The following GPR180 variants were observed in gnomAD, a reference collection of about 807,000 sequenced individuals.
GPR180 encodes the protein G protein-coupled receptor 180.
GPR180 carries 53 observed loss-of-function variants against 52.6 expected under a neutral mutation model. That is an observed-to-expected ratio of 1.01 (90% CI 0.81 to 1.27). The LOEUF (loss-of-function observed/expected upper bound fraction) is 1.27, where lower values mean the gene tolerates loss of function less well. GPR180 is among the 50% of genes most tolerant of loss of function. The pLI is 0.00. For missense variants in GPR180, 533 were observed against 527.0 expected, an observed-to-expected ratio of 1.01 and a Z score of -0.11; for synonymous variants, 200 against 193.1, an observed-to-expected ratio of 1.04 and a Z score of -0.30.
chr13:94,606,154 G>A (rs755879088), intron 2 of GPR180, among the ~76,000 whole-genome samples: 1 of 152,166 alleles, frequency 6.6e-6, no homozygotes, highest in Non-Finnish European at 1.5e-5. Flanking sequence ...AAATTAGACA[G>A]GTGTGATGGC....
chr13:94,631,861 T>C lies in GPR180; in HGVS notation c.*4690T>C, dbSNP rs896390515. 6.6e-6 allele frequency: 1 copy of C among 152,068 alleles called. No individual in the cohort carries two copies. Among genetic ancestry groups the C allele is most frequent in the Non-Finnish European group, 1.5e-5 (1 of 68,008 alleles). The allele number at this position is 152,068 out of a possible 1,614,324, so 9.4% of individuals were successfully genotyped here. ...TTTCTCAAATTCTCACAGAGGCAGT[T>C]TCTCTTTATTTTATGTAGTCCTGTA... On this transcript the variant is annotated 3_prime_UTR_variant, in exon 9 of 9. Transcript: ENST00000376958.
rs1344930235 is a variant in GPR180, at chr13:94,630,215, C to G, written c.*3044C>G. ...TAGCTTGATTTCTTGCAATAGCTCT[C>G]TAAGTAATATTACCATGTCCACACT... is the stretch of plus-strand genomic sequence containing the variant. On this transcript the variant is annotated 3_prime_UTR_variant, in exon 9 of 9. Coordinates refer to ENST00000376958, the MANE Select transcript of GPR180 (RefSeq NM_180989.6). 6.6e-6 allele frequency: 1 copy of G among 152,138 alleles called. No homozygotes were observed. Among genetic ancestry groups the G allele is most frequent in the Admixed American group, 6.5e-5 (1 of 15,278 alleles). 9.4% of individuals were successfully genotyped at this position (152,138 alleles called of 1,614,324 possible).
rs1425381262 is a variant in GPR180, at chr13:94,634,244, AACGTGTTGAGTGTTAAACCCACAG to A, written c.*7074_*7097del. 1.3e-5 allele frequency: 2 copies of A among 152,140 alleles called. No individual in the cohort carries two copies. The highest frequency in any genetic ancestry group is 2.9e-5 in the Non-Finnish European group (2 of 68,024). 9.4% of individuals were successfully genotyped at this position (152,140 alleles called of 1,614,324 possible). A position where few individuals can be genotyped will look rare whatever the true frequency, so the allele number is the denominator to read the frequency against. On this transcript the variant is annotated 3_prime_UTR_variant, in exon 9 of 9. Transcript: ENST00000376958. ...CAATTTAGGGAAATTTGACTTTCTT[AACGTGTTGAGTGTTAAACCCACAG>A]GTGGTAGCATGACATTGACTCCTCA...
chr13:94,602,335 A>G (rs936442355), intron 1 of GPR180, among the ~76,000 whole-genome samples: 1 of 151,986 alleles, frequency 6.6e-6, no homozygotes, highest in South Asian at 2.1e-4. Context: ...GCTGGTTTCC[A>G]TTTCCCCAAC....
intron 7 of GPR180, 71 bp from the exon 8 acceptor site, chr13:94,625,895 A>AT (rs1243664209): frequency 1.2e-5 from 13 of 1,114,284 alleles, no homozygotes; most frequent in Admixed American, 5.7e-5. Flanking sequence ...TGCTAGTAAC[A>AT]TTTTTTTGTC....
chr13:94,621,316 C>G (rs1889849116), intron 6 of GPR180, 81 bp downstream of exon 6: 5 of 1,120,550 alleles, frequency 4.5e-6, no homozygotes, highest in Non-Finnish European at 6.1e-6. Context: ...GAATTGAAAC[C>G]TGGGACCCAT....
Position 94,601,983 on chromosome 13 carries a change from G to A in GPR180, c.56G>A (p.Gly19Asp). Residue 19 changes from glycine (G) to aspartate (D), a missense_variant, in exon 1 of 9, where the codon GGC becomes GAC. Physicochemically the swap from Gly to Asp is moderately conservative, Grantham distance 94. Coordinates refer to ENST00000376958, the MANE Select transcript of GPR180 (RefSeq NM_180989.6). ...VALTCCWWPQGSQGKTLRGSF... is the reference protein window; with the variant it reads ...VALTCCWWPQDSQGKTLRGSF... ...CTCACGTGCTGCTGGTGGCCGCAGGGCAGCCAGGGTAAGACCCTGCGGGGC... is the reference window on the plus strand; with the variant it reads ...CTCACGTGCTGCTGGTGGCCGCAGGACAGCCAGGGTAAGACCCTGCGGGGC... The A allele has an allele frequency of 6.7e-7, 1 of 1,495,806 alleles. No homozygotes were observed. Among genetic ancestry groups the A allele is most frequent in the Non-Finnish European group, 8.9e-7 (1 of 1,128,044 alleles). The allele number at this position is 1,495,806 out of a possible 1,614,324, so 92.7% of individuals were successfully genotyped here. A position where few individuals can be genotyped will look rare whatever the true frequency, so the allele number is the denominator to read the frequency against.
rs1555344727 is a variant in GPR180, at chr13:94,618,443, T to TG, written c.506-705dup. 2.4e-3 allele frequency among the ~76,000 whole-genome samples: 290 copies of TG among 120,500 alleles called. 8 individuals are homozygous for TG. The highest frequency in any genetic ancestry group is 8.5e-3 in the African/African-American group (278 of 32,676). The allele number at this position is 120,500 out of a possible 152,430, so 79.1% of individuals were successfully genotyped here. On this transcript the variant is annotated intron_variant, in intron 3 of 8. Transcript: ENST00000376958. The stretch of plus-strand genomic sequence containing the variant: ...GGATTTTTTTTTTTTTTTTTTTTTT[T>TG]GGCAAGAGCTGCAGACAGTTTATCT...
Position 94,626,032 on chromosome 13 carries a change from CAA to C in GPR180, c.1155_1156del (p.Asp387GlnfsTer60). The C allele has an allele frequency of 2.5e-6, 4 of 1,606,910 alleles. No individual in the cohort carries two copies. The highest frequency in any genetic ancestry group is 3.4e-6 in the Non-Finnish European group (4 of 1,174,446). On this transcript the variant is annotated frameshift_variant, in exon 8 of 9. Transcript: ENST00000376958. LOFTEE classifies it high-confidence loss of function. ...ACISVIFSDY[Q>X]RDKVITIGVI... is the part of the protein sequence containing the mutation. The stretch of plus-strand genomic sequence containing the variant: ...CATTTCTGTCATTTTTAGCGACTAC[CAA>C]AGAGACAAGGTAAGAAATATACATG...
intron 6 of GPR180, 126 bp from the exon 7 acceptor site, chr13:94,622,983 C>T (rs1380592778): frequency 9.1e-6 from 6 of 656,840 alleles, no homozygotes; most frequent in Non-Finnish European, 1.3e-5. Context: ...TATTAATTAA[C>T]AACCTCTATG....
rs2226078 is a variant in GPR180 at position 94,631,977 on chromosome 13, A to G, written c.*4806A>G. The G allele has an allele frequency of 0.39, 59,544 of 152,006 alleles. 14,764 individuals carry two copies. Among genetic ancestry groups the G allele is most frequent in the African/African-American group, 0.7 (28,933 of 41,436 alleles). The allele number at this position is 152,006 out of a possible 1,614,324, so 9.4% of individuals were successfully genotyped here. A position where few individuals can be genotyped will look rare whatever the true frequency, so the allele number is the denominator to read the frequency against. ...TAGTCAGCTAGAGGAGGGAATGTTG[A>G]CAGTAGTCAGAAGCAGCTGGGAAAA... is the stretch of plus-strand genomic sequence containing the variant. On this transcript the variant is annotated 3_prime_UTR_variant, in exon 9 of 9. Coordinates refer to ENST00000376958, the MANE Select transcript of GPR180 (RefSeq NM_180989.6).
chr13:94,603,358 A>C (rs1889585308), intron 1 of GPR180, among the ~76,000 whole-genome samples: 1 of 152,188 alleles, frequency 6.6e-6, no homozygotes, highest in African/African-American at 2.4e-5. Context: ...CAGCAGAGAG[A>C]CTTGGACGAC....
chr13:94,602,314 C>T (rs1889568249), intron 1 of GPR180, among the ~76,000 whole-genome samples: 1 of 152,192 alleles, frequency 6.6e-6, no homozygotes, highest in African/African-American at 2.4e-5. Context: ...GATCGTGTTC[C>T]GCACCTGAAA....
chr13:94,604,258 G>A (rs1889600291), intron 1 of GPR180, among the ~76,000 whole-genome samples: 1 of 151,824 alleles, frequency 6.6e-6, no homozygotes. Context: ...CGCTTGAACC[G>A]GGGAGGCGGA....
intron 3 of GPR180, among the ~76,000 whole-genome samples, chr13:94,615,394 A>G (rs1293025851): frequency 1.3e-5 from 2 of 152,244 alleles, no homozygotes; most frequent in Non-Finnish European, 2.9e-5. Flanking sequence ...AGAGGTTTGA[A>G]TTAGAGTAAC....
intron 7 of GPR180, among the ~76,000 whole-genome samples, chr13:94,623,711 T>C (rs1889886319): frequency 6.6e-6 from 1 of 151,808 alleles, no homozygotes; most frequent in South Asian, 2.1e-4. Context: ...ACTTCTGTTA[T>C]GTGACAGACA....
chr13:94,626,098 G>C, intron 8 of GPR180, 55 bp downstream of exon 8: 1 of 1,222,748 alleles, frequency 8.2e-7, no homozygotes, highest in Non-Finnish European at 1.2e-6. Context: ...TGTCTTAATT[G>C]GGAGAATATT....
At chr13:94,609,045 CGAG>C (rs953084166) in intron 2 of GPR180, among the ~76,000 whole-genome samples, 1 of 152,026 alleles carries the variant, frequency 6.6e-6, no homozygotes, top group African/African-American at 2.4e-5. Context: ...TAAAACTTAA[CGAG>C]GAGATTCGGA....
intron 2 of GPR180, among the ~76,000 whole-genome samples, chr13:94,608,039 C>A (rs1447132404): frequency 3.3e-5 from 5 of 152,148 alleles, no homozygotes; most frequent in African/African-American, 1.2e-4. Context: ...TTGATTTGTT[C>A]TCTTGTATCA....
Sources: allele counts gnomAD v4.1 joint callset (sites outside exome capture counted in the v4.1 genomes callset), GRCh38; gene constraint gnomAD v4.1.1; transcripts MANE v1.5; gene names NCBI Gene and HGNC (gene_info 2026-07-23, HGNC 2026-07-21).